The following PPP1R14C variants were observed in gnomAD, a reference collection of about 807,000 sequenced individuals.
PPP1R14C encodes the protein protein phosphatase 1 regulatory subunit 14C.
PPP1R14C carries 16 observed loss-of-function variants against 20.4 expected under a neutral mutation model. That is an observed-to-expected ratio of 0.78 (90% CI 0.53 to 1.19). The LOEUF (loss-of-function observed/expected upper bound fraction) is 1.19, where lower values mean the gene tolerates loss of function less well. Ranked by LOEUF, PPP1R14C falls within the 50% of genes most tolerant of loss-of-function variation. The pLI is 0.00. For missense variants in PPP1R14C, 211 were observed against 220.1 expected (o/e 0.96, Z 0.26); for synonymous variants, 91 against 91.0 (o/e 1.00, Z 0.00).
At chr6:150,200,043 A>T (rs1218516234) in intron 1 of PPP1R14C, among the ~76,000 whole-genome samples, 1 of 152,094 alleles carries the variant, frequency 6.6e-6, no homozygotes, top group Non-Finnish European at 1.5e-5. Flanking sequence ...GGTGCTTCAC[A>T]CTTTAATTTT....
Position 150,248,851 on chromosome 6 carries a change from C to A in PPP1R14C, c.*31C>A. 2 of 1,453,952 alleles carry A rather than the reference C, an allele frequency of 1.4e-6. No homozygotes were observed. The highest frequency in any genetic ancestry group is 1.9e-6 in the Non-Finnish European group (2 of 1,039,384). 90.1% of individuals were successfully genotyped at this position (1,453,952 alleles called of 1,614,324 possible). A position where few individuals can be genotyped will look rare whatever the true frequency, so the allele number is the denominator to read the frequency against. On this transcript the variant is annotated 3_prime_UTR_variant, in exon 4 of 4. Transcript: ENST00000361131. ...GAACAGGGTGAAACTCTCCCAGAGA[C>A]GAAGAAAGAGTCCTGGGATTTGTAC... is the stretch of plus-strand genomic sequence containing the variant.
At chr6:150,186,767 G>A (rs1332835247) in intron 1 of PPP1R14C, among the ~76,000 whole-genome samples, 1 of 152,096 alleles carries the variant, frequency 6.6e-6, no homozygotes, top group Non-Finnish European at 1.5e-5. Context: ...CTGAGAGCCT[G>A]GGGAAGAAAG....
chr6:150,170,247 A>C (rs1777481210), intron 1 of PPP1R14C, among the ~76,000 whole-genome samples: 1 of 152,214 alleles, frequency 6.6e-6, no homozygotes, highest in Admixed American at 6.5e-5. Context: ...CACAAGAAAG[A>C]ATAAGAAAAT....
intron 1 of PPP1R14C, among the ~76,000 whole-genome samples, chr6:150,203,389 G>C (rs1301429850): frequency 6.6e-6 from 1 of 152,174 alleles, no homozygotes. Context: ...ATGCTTGATG[G>C]CCCATATCAG....
At chr6:150,235,448 A>G (rs909558327) in intron 3 of PPP1R14C, among the ~76,000 whole-genome samples, 1 of 152,178 alleles carries the variant, frequency 6.6e-6, no homozygotes, top group African/African-American at 2.4e-5. Flanking sequence ...ACCAATTGTC[A>G]CCACTGATCA....
At chr6:150,197,265 C>T (rs1031701729) in intron 1 of PPP1R14C, among the ~76,000 whole-genome samples, 3 of 152,190 alleles carry the variant, frequency 2.0e-5, no homozygotes, top group East Asian at 1.9e-4. Flanking sequence ...CTCCCGCCTG[C>T]GGCACTTCCC....
chr6:150,186,983 T>C (rs1039889663), intron 1 of PPP1R14C, among the ~76,000 whole-genome samples: 7 of 152,008 alleles, frequency 4.6e-5, no homozygotes, highest in African/African-American at 1.7e-4. Context: ...ACTTAGTCTT[T>C]TTTTTTTTTG....
intron 1 of PPP1R14C, among the ~76,000 whole-genome samples, chr6:150,166,308 C>T (rs2114864047): frequency 6.6e-6 from 1 of 152,236 alleles, no homozygotes; most frequent in South Asian, 2.1e-4. Context: ...TCTCGATCTC[C>T]TGACCTCATG....
chr6:150,143,669 G>A lies in PPP1R14C; in HGVS notation c.306+171G>A, dbSNP rs1777149997. On this transcript the variant is annotated intron_variant, in intron 1 of 3. Transcript: ENST00000361131. This position sits in a 1 kb window ranked among gnomAD's most constrained non-coding sequence, Gnocchi z 5.6. ...TCCCCCGCGGTGCCCTCTGGCGTCG[G>A]GCTCAGCGGTTGGGACGCCCCTGTC... Among the ~76,000 whole-genome samples the A allele has an allele frequency of 6.6e-6, 1 of 152,202 alleles. No individual in the cohort carries two copies. Among genetic ancestry groups the A allele is most frequent in the Non-Finnish European group, 1.5e-5 (1 of 68,038 alleles).
intron 1 of PPP1R14C, among the ~76,000 whole-genome samples, chr6:150,171,460 T>C (rs935632785): frequency 6.6e-6 from 1 of 152,192 alleles, no homozygotes; most frequent in African/African-American, 2.4e-5. Context: ...AGATCTTCTG[T>C]CCTGACCTTT....
chr6:150,148,893 G>A (rs192529960), intron 1 of PPP1R14C, among the ~76,000 whole-genome samples: 2 of 152,126 alleles, frequency 1.3e-5, no homozygotes, highest in East Asian at 1.9e-4. Flanking sequence ...ATGAAACTCC[G>A]TCTCTACAAA....
intron 1 of PPP1R14C, among the ~76,000 whole-genome samples, chr6:150,157,065 G>A (rs771376204): frequency 1.3e-5 from 2 of 152,182 alleles, no homozygotes; most frequent in Non-Finnish European, 2.9e-5. Context: ...GCATTCAATG[G>A]TGAATGATCC....
At chr6:150,205,468 T>C (rs1428954147) in intron 1 of PPP1R14C, among the ~76,000 whole-genome samples, 1 of 152,202 alleles carries the variant, frequency 6.6e-6, no homozygotes. Context: ...GCTCTTGAGA[T>C]ACCAGTTTGC....
intron 1 of PPP1R14C, among the ~76,000 whole-genome samples, chr6:150,166,604 C>T (rs1213737185): frequency 6.6e-6 from 1 of 152,180 alleles, no homozygotes; most frequent in South Asian, 2.1e-4. Flanking sequence ...GGGCTGCCTC[C>T]GCCAGCACTT....
intron 1 of PPP1R14C, among the ~76,000 whole-genome samples, chr6:150,152,888 A>T (rs753595303): frequency 6.6e-6 from 1 of 152,090 alleles, no homozygotes; most frequent in Non-Finnish European, 1.5e-5. Context: ...CCCCAGAGTG[A>T]TGGTATTTGG....
At chr6:150,175,868 G>A (rs376424099) in intron 1 of PPP1R14C, among the ~76,000 whole-genome samples, 3 of 152,304 alleles carry the variant, frequency 2.0e-5, no homozygotes, top group East Asian at 1.9e-4. Flanking sequence ...AACCACAAGC[G>A]CAATCTACCC....
intron 1 of PPP1R14C, among the ~76,000 whole-genome samples, chr6:150,180,565 C>A (rs1437937652): frequency 1.3e-5 from 2 of 152,202 alleles, no homozygotes; most frequent in African/African-American, 4.8e-5. Context: ...CATGTGGGTA[C>A]ATCTCATGAG....
At chr6:150,160,502 T>C (rs1777355057) in intron 1 of PPP1R14C, among the ~76,000 whole-genome samples, 1 of 151,696 alleles carries the variant, frequency 6.6e-6, no homozygotes, top group Non-Finnish European at 1.5e-5. Context: ...CTCGATCTCC[T>C]GACCTCATGA....
intron 1 of PPP1R14C, among the ~76,000 whole-genome samples, chr6:150,191,152 C>G (rs890144296): frequency 6.6e-6 from 1 of 152,206 alleles, no homozygotes; most frequent in African/African-American, 2.4e-5. Context: ...GGTTCCCTCC[C>G]TCACCTTCAG....
Sources: gnomAD v4.1 joint callset for allele counts (sites outside exome capture counted in the v4.1 genomes callset) on GRCh38, gnomAD v4.1.1 for gene constraint, Gnocchi (gnomAD v3.1) non-coding constraint, MANE v1.5 for transcripts, NCBI Gene and HGNC (gene_info 2026-07-23, HGNC 2026-07-21) for gene names.